The following AGBL4 variants were observed in gnomAD, a reference collection of about 807,000 sequenced individuals.
The protein encoded by AGBL4 is cytosolic carboxypeptidase 6.
In AGBL4, 58 loss-of-function variants were observed where a neutral mutation model predicts 66.4. That is an observed-to-expected ratio of 0.87 (90% CI 0.71 to 1.09). AGBL4 has a LOEUF of 1.09. Among genes scored for constraint, AGBL4 ranks in the 50% least tolerant of loss-of-function variants. AGBL4 has a pLI of 0.00. For synonymous variants in AGBL4, 234 were observed against 222.9 expected (o/e 1.05, Z -0.44); for missense variants, 579 against 631.0 (o/e 0.92, Z 0.88).
rs1569652153 is a variant in AGBL4 at position 49,118,078 on chromosome 1, C to T, written c.378-72278G>A. Among the ~76,000 whole-genome samples, 5 of 152,288 alleles carry T rather than the reference C, an allele frequency of 3.3e-5. 1 individual carries two copies. Among genetic ancestry groups the T allele is most frequent in the African/African-American group, 1.2e-4 (5 of 41,542 alleles). ...TGCACATGGATTTTGTATCATGAGA[C>T]TTTGCTGAAGTTGCTTATCAGCTTA... is the stretch of plus-strand genomic sequence containing the variant. On this transcript the variant is annotated intron_variant, in intron 4 of 13. Transcript: ENST00000371839.
At chr1:48,535,651 C>T (rs1365109413) in intron 12 of AGBL4, among the ~76,000 whole-genome samples, 1 of 152,166 alleles carries the variant, frequency 6.6e-6, no homozygotes, top group Non-Finnish European at 1.5e-5. Context: ...GTTCTCTACT[C>T]TATTCCCCAA....
chr1:48,946,460 T>C (rs1178199930), intron 5 of AGBL4, among the ~76,000 whole-genome samples: 1 of 152,190 alleles, frequency 6.6e-6, no homozygotes, highest in East Asian at 1.9e-4. Context: ...TTGCACTTGT[T>C]CTGAATTTGG....
intron 3 of AGBL4, among the ~76,000 whole-genome samples, chr1:49,371,228 T>TATATAG (rs1644334827): frequency 1.4e-5 from 2 of 147,084 alleles, no homozygotes; most frequent in Non-Finnish European, 3.0e-5. Flanking sequence ...TAGATAGATA[T>TATATAG]ATAGATAGAT....
At chr1:48,787,194 C>A (rs1014457561) in intron 6 of AGBL4, among the ~76,000 whole-genome samples, 2 of 152,134 alleles carry the variant, frequency 1.3e-5, no homozygotes, top group Admixed American at 6.5e-5. Flanking sequence ...CTGGCTCCCA[C>A]TGAGTCTGAC....
chr1:48,742,759 T>C, intron 6 of AGBL4: 1 of 1,601,208 alleles, frequency 6.2e-7, no homozygotes. Context: ...TTTTTCCAGA[T>C]CAATGGCGGG....
At chr1:48,584,663 C>A (rs1557805795) in intron 11 of AGBL4, 1 of 152,722 alleles carries the variant, frequency 6.5e-6, no homozygotes. Flanking sequence ...TTGCAGTGAG[C>A]TGAGATCATG....
intron 6 of AGBL4, among the ~76,000 whole-genome samples, chr1:48,815,566 T>A (rs1256685772): frequency 2.0e-5 from 3 of 152,204 alleles, no homozygotes; most frequent in Non-Finnish European, 4.4e-5. Context: ...GGTGTCATAA[T>A]TCCTACCAGA....
At chr1:49,422,108 A>C (rs1384363583) in intron 3 of AGBL4, among the ~76,000 whole-genome samples, 3 of 152,234 alleles carry the variant, frequency 2.0e-5, no homozygotes, top group Admixed American at 1.3e-4. Context: ...AAAATGCAAG[A>C]GTTCTAGGGC....
rs1000123197 is a variant in AGBL4 at position 49,633,992 on chromosome 1, T to C, written c.282+63321A>G. 2.7e-5 allele frequency among the ~76,000 whole-genome samples: 4 copies of C among 150,882 alleles called. No homozygotes were observed. The South Asian group carries it at 8.3e-4, about 31-fold the overall frequency. The stretch of plus-strand genomic sequence containing the variant: ...ATATTTTAAGTCAATTTATTCAAAA[T>C]ATTATTTCAACATACTATCAATAAT... On this transcript the variant is annotated intron_variant, in intron 3 of 13. Coordinates refer to ENST00000371839, the MANE Select transcript of AGBL4 (RefSeq NM_032785.4).
chr1:49,233,728 T>C (rs951520326), intron 4 of AGBL4, among the ~76,000 whole-genome samples: 1 of 152,212 alleles, frequency 6.6e-6, no homozygotes, highest in African/African-American at 2.4e-5. Flanking sequence ...TAATATGTGA[T>C]GTGTGCTATT....
chr1:49,306,692 C>T (rs1165949034), intron 3 of AGBL4, among the ~76,000 whole-genome samples: 1 of 152,134 alleles, frequency 6.6e-6, no homozygotes, highest in Non-Finnish European at 1.5e-5. Context: ...CTCTTCTAGC[C>T]TGTGATGGGT....
intron 3 of AGBL4, among the ~76,000 whole-genome samples, chr1:49,659,503 T>C (rs1646225078): frequency 6.6e-6 from 1 of 152,116 alleles, no homozygotes; most frequent in African/African-American, 2.4e-5. Context: ...TGCAGTCCAC[T>C]TTCAGACAAA....
At chr1:48,717,400 C>T (rs1033243579) in intron 6 of AGBL4, among the ~76,000 whole-genome samples, 1 of 152,188 alleles carries the variant, frequency 6.6e-6, no homozygotes. Flanking sequence ...TTCACTCTGC[C>T]ACTTGCTTTC....
At chr1:48,962,254 A>T (rs1658063035) in intron 5 of AGBL4, among the ~76,000 whole-genome samples, 1 of 152,130 alleles carries the variant, frequency 6.6e-6, no homozygotes, top group Non-Finnish European at 1.5e-5. Flanking sequence ...TTTTAACTTA[A>T]ATTTCTTTAA....
At chr1:49,743,200 T>G (rs1571460676) in intron 2 of AGBL4, among the ~76,000 whole-genome samples, 1 of 152,028 alleles carries the variant, frequency 6.6e-6, no homozygotes, top group African/African-American at 2.4e-5. Flanking sequence ...TCAAACACAT[T>G]TACAAGAAAA....
intron 2 of AGBL4, among the ~76,000 whole-genome samples, chr1:49,703,426 A>G (rs143189130): frequency 6.6e-6 from 1 of 152,150 alleles, no homozygotes; most frequent in African/African-American, 2.4e-5. Context: ...AAAGCAAGCA[A>G]CATAATTCAC....
chr1:49,745,946 C>T (rs754892000), intron 2 of AGBL4, among the ~76,000 whole-genome samples: 1 of 151,994 alleles, frequency 6.6e-6, no homozygotes, highest in Non-Finnish European at 1.5e-5. Context: ...TTCAGATGAA[C>T]ACAAAACATT....
chr1:49,740,491 C>T lies in AGBL4; in HGVS notation c.158-43054G>A, dbSNP rs550132433. 4.9e-4 allele frequency among the ~76,000 whole-genome samples: 75 copies of T among 152,108 alleles called. 1 individual carries two copies. The highest frequency in any genetic ancestry group is 7.8e-4 in the Non-Finnish European group (53 of 67,986). ...CCACTGTCAATATTAGACAGATCAA[C>T]GAGACAAAAAGTTAACAAGGATATC... On this transcript the variant is annotated intron_variant, in intron 2 of 13. Transcript: ENST00000371839.
chr1:48,957,991 G>GC (rs1007306975), intron 5 of AGBL4, among the ~76,000 whole-genome samples: 1 of 147,692 alleles, frequency 6.8e-6, no homozygotes, highest in African/African-American at 2.5e-5. Flanking sequence ...CTGCAGGCTT[G>GC]TTTTTTTTTT....
Sources: gnomAD v4.1 joint callset for allele counts (sites outside exome capture counted in the v4.1 genomes callset) on GRCh38, gnomAD v4.1.1 for gene constraint, MANE v1.5 for transcripts, NCBI Gene and HGNC (gene_info 2026-07-23, HGNC 2026-07-21) for gene names.